GUCY1A2: variants seen among roughly 807,000 people sequenced by gnomAD.
GUCY1A2 encodes the protein guanylate cyclase soluble subunit alpha-2.
In GUCY1A2, 27 loss-of-function variants were observed where a neutral mutation model predicts 63.5. The ratio of observed to expected loss-of-function variants is 0.43; its 90% CI spans 0.31 to 0.59. The LOEUF (loss-of-function observed/expected upper bound fraction) is 0.59, where lower values mean the gene tolerates loss of function less well. GUCY1A2 is among the 20% of genes least tolerant of loss of function. GUCY1A2 has a pLI of 0.11. For synonymous variants in GUCY1A2, 364 were observed against 343.5 expected, an observed-to-expected ratio of 1.06 and a Z score of -0.66; for missense variants, 768 against 913.3, an observed-to-expected ratio of 0.84 and a Z score of 2.05.
intron 4 of GUCY1A2, among the ~76,000 whole-genome samples, chr11:106,851,573 T>C (rs1205442562): frequency 6.6e-6 from 1 of 151,996 alleles, no homozygotes; most frequent in Admixed American, 6.6e-5. Context: ...CATATGGATA[T>C]CCAGTTTTCC....
chr11:106,695,586 A>G (rs1315575724), intron 7 of GUCY1A2, among the ~76,000 whole-genome samples: 1 of 152,176 alleles, frequency 6.6e-6, no homozygotes, highest in Non-Finnish European at 1.5e-5. Flanking sequence ...TGAGTGGAAG[A>G]AAGGAAGGAA....
intron 6 of GUCY1A2, among the ~76,000 whole-genome samples, chr11:106,752,172 G>T (rs973630858): frequency 1.3e-5 from 2 of 152,020 alleles, no homozygotes; most frequent in African/African-American, 4.8e-5. Flanking sequence ...GATTTGAGCT[G>T]GCCAAGAAAG....
intron 5 of GUCY1A2, among the ~76,000 whole-genome samples, chr11:106,795,358 T>C (rs367564622): frequency 2.0e-5 from 3 of 152,166 alleles, no homozygotes; most frequent in Non-Finnish European, 1.5e-5. Flanking sequence ...ACACTAATTA[T>C]GGAATTTGGT....
intron 6 of GUCY1A2, among the ~76,000 whole-genome samples, chr11:106,733,790 C>T (rs898732544): frequency 6.6e-6 from 1 of 152,082 alleles, no homozygotes; most frequent in Non-Finnish European, 1.5e-5. Flanking sequence ...ACTGAGGAAG[C>T]AGGCCAGGAG....
intron 4 of GUCY1A2, among the ~76,000 whole-genome samples, chr11:106,917,032 A>G (rs1251693714): frequency 6.9e-6 from 1 of 145,764 alleles, no homozygotes; most frequent in Non-Finnish European, 1.5e-5. Context: ...AATTAGGCCC[A>G]TGCCTTCATG....
intron 6 of GUCY1A2, among the ~76,000 whole-genome samples, chr11:106,726,798 C>T (rs1485186570): frequency 6.6e-6 from 1 of 152,074 alleles, no homozygotes; most frequent in Non-Finnish European, 1.5e-5. Flanking sequence ...TTAACAAGTT[C>T]CCTTTGGGTG....
chr11:106,938,104 G>GT (rs1442002548), intron 4 of GUCY1A2, among the ~76,000 whole-genome samples: 2 of 151,786 alleles, frequency 1.3e-5, no homozygotes, highest in East Asian at 1.9e-4. Flanking sequence ...TGCCCAGCTC[G>GT]TTTTTTTGTG....
At chr11:106,693,732 C>T (rs1309484004) in intron 7 of GUCY1A2, among the ~76,000 whole-genome samples, 2 of 152,114 alleles carry the variant, frequency 1.3e-5, no homozygotes, top group African/African-American at 4.8e-5. Context: ...TTTCCCAACA[C>T]ATAAAGAATT....
chr11:107,010,955 C>G lies in GUCY1A2; in HGVS notation c.303+6798G>C, dbSNP rs1167709814. Among the ~76,000 whole-genome samples the G allele has an allele frequency of 2.0e-5, 3 of 152,126 alleles. No individual in the cohort carries two copies. In the East Asian group the frequency reaches 5.8e-4, roughly 29 times the overall value. On this transcript the variant is annotated intron_variant, in intron 1 of 7. Transcript: ENST00000526355. Reference sequence around the variant, plus strand: ...ATGTTGGCCAGGCTCGTCTTGAACTCCTGACCTCAGGCAATCCATCTGCCT... The same window carrying G: ...ATGTTGGCCAGGCTCGTCTTGAACTGCTGACCTCAGGCAATCCATCTGCCT...
At chr11:106,999,686 A>T (rs996999037) in intron 1 of GUCY1A2, among the ~76,000 whole-genome samples, 2 of 152,154 alleles carry the variant, frequency 1.3e-5, no homozygotes, top group Non-Finnish European at 2.9e-5. Flanking sequence ...TCTTTGAAAA[A>T]GTATGTTTCT....
intron 4 of GUCY1A2, among the ~76,000 whole-genome samples, chr11:106,843,333 TTCACTGCTTGG>T (rs1475346749): frequency 6.6e-6 from 1 of 151,844 alleles, no homozygotes; most frequent in Non-Finnish European, 1.5e-5. Context: ...GGGTACAGTG[TTCACTGCTTGG>T]GTGATGGGTG....
intron 4 of GUCY1A2, chr11:106,936,807 A>G: frequency 1.5e-6 from 1 of 650,330 alleles, no homozygotes; most frequent in Non-Finnish European, 2.6e-6. Context: ...ATGTTAGAAG[A>G]AGGAATAAAT....
chr11:106,810,244 G>A lies in GUCY1A2; in HGVS notation c.1441C>T (p.Gln481Ter). ...TTCTTTTTCTCTTCTTCCAGGGCCT[G>A]GTGAGTTCTTTCTAAAGTTGCCTTT... ...KLKATLERTH[Q>*]ALEEEKKKTV... The change falls in exon 5 of 8, where the codon CAG (glutamine) becomes TAG (stop). Residue 481 changes from glutamine (Q) to a stop codon, truncating the protein, a stop_gained. Coordinates refer to ENST00000526355, the MANE Select transcript of GUCY1A2 (RefSeq NM_000855.3). LOFTEE classifies it high-confidence loss of function. 1 of 1,613,886 alleles carries A rather than the reference G, an allele frequency of 6.2e-7. No homozygotes were observed. Among genetic ancestry groups the A allele is most frequent in the Non-Finnish European group, 8.5e-7 (1 of 1,179,890 alleles).
At position 106,684,000 on chromosome 11, in the gene GUCY1A2, G is replaced by A. The variant is rs537046746; in HGVS notation, c.*3549C>T. The A allele has an allele frequency of 1.1e-4, 22 of 194,964 alleles. 1 individual carries two copies. In the South Asian group the frequency reaches 4.0e-3, roughly 36 times the overall value. 12.1% of individuals were successfully genotyped at this position (194,964 alleles called of 1,614,324 possible). A position where few individuals can be genotyped will look rare whatever the true frequency, so the allele number is the denominator to read the frequency against. On this transcript the variant is annotated 3_prime_UTR_variant, in exon 8 of 8. Coordinates refer to ENST00000526355, the MANE Select transcript of GUCY1A2 (RefSeq NM_000855.3). ...GCTTTATTGCTGGAACTCTTTGGAG[G>A]CATTTGCAAAATTAAAAGTCTTGCT...
At chr11:106,823,987 A>T in intron 4 of GUCY1A2, 2 of 821,780 alleles carry the variant, frequency 2.4e-6, no homozygotes, top group Non-Finnish European at 3.6e-6. Context: ...GCATATAGTT[A>T]TTGCTTTTAT....
chr11:106,891,593 G>A (rs1332738645), intron 4 of GUCY1A2, among the ~76,000 whole-genome samples: 1 of 151,896 alleles, frequency 6.6e-6, no homozygotes, highest in African/African-American at 2.4e-5. Context: ...ATTAATTTTT[G>A]TTTATTTATA....
At chr11:107,014,406 C>A (rs1861792041) in intron 1 of GUCY1A2, among the ~76,000 whole-genome samples, 1 of 151,992 alleles carries the variant, frequency 6.6e-6, no homozygotes, top group Admixed American at 6.6e-5. Flanking sequence ...CTTTCATATG[C>A]CAATATGACA....
At chr11:107,014,115 A>C (rs1861786967) in intron 1 of GUCY1A2, among the ~76,000 whole-genome samples, 1 of 99,048 alleles carries the variant, frequency 1.0e-5, no homozygotes. Flanking sequence ...TTTGAGACGG[A>C]GTCTCGCTCT....
chr11:106,982,639 G>T (rs1861352343), intron 2 of GUCY1A2, among the ~76,000 whole-genome samples: 1 of 152,146 alleles, frequency 6.6e-6, no homozygotes, highest in African/African-American at 2.4e-5. Context: ...TTCCTGTAGA[G>T]AAGACATTTG....
Sources: allele counts gnomAD v4.1 joint callset (sites outside exome capture counted in the v4.1 genomes callset), GRCh38; gene constraint gnomAD v4.1.1; transcripts MANE v1.5; gene names NCBI Gene and HGNC (gene_info 2026-07-23, HGNC 2026-07-21).